CRB1: variants seen among roughly 807,000 people sequenced by gnomAD.
The protein encoded by CRB1 is protein crumbs homolog 1.
CRB1 carries 83 observed loss-of-function variants against 120.0 expected under a neutral mutation model. The observed-to-expected ratio is 0.69, with a 90% CI of 0.58 to 0.83. The LOEUF (loss-of-function observed/expected upper bound fraction) is 0.83, where lower values mean the gene tolerates loss of function less well. Ranked by LOEUF, CRB1 falls within the 40% of genes least tolerant of loss-of-function variation. CRB1 has a pLI of 0.00. For synonymous variants in CRB1, 625 were observed against 612.5 expected (o/e 1.02, Z -0.30); for missense variants, 1,699 against 1,687.6 (o/e 1.01, Z -0.12).
intron 5 of CRB1, among the ~76,000 whole-genome samples, chr1:197,407,632 T>A (rs555413843): frequency 1.3e-5 from 2 of 152,296 alleles, no homozygotes; most frequent in East Asian, 3.9e-4. Flanking sequence ...TCATAAAAAA[T>A]GCAGCTATCT....
At chr1:197,453,539 T>TATATA (rs1553266395) in intron 11 of CRB1, among the ~76,000 whole-genome samples, 1 of 58,512 alleles carries the variant, frequency 1.7e-5, no homozygotes, top group African/African-American at 4.1e-5. Flanking sequence ...TATATATATA[T>TATATA]AGAGAGAGAG....
intron 1 of CRB1, among the ~76,000 whole-genome samples, chr1:197,303,533 A>C (rs540924809): frequency 6.6e-6 from 1 of 152,008 alleles, no homozygotes; most frequent in East Asian, 1.9e-4. Flanking sequence ...ACATTGTTTA[A>C]TATTATCTAC....
At chr1:197,442,140 T>A in intron 10 of CRB1, 26 bp from the exon 11 acceptor site, 1 of 1,614,044 alleles carries the variant, frequency 6.2e-7, no homozygotes, top group Non-Finnish European at 8.5e-7. Context: ...GGGACCTGGG[T>A]TTCTGCTGTT....
intron 11 of CRB1, among the ~76,000 whole-genome samples, chr1:197,463,769 A>G (rs1222409625): frequency 1.3e-5 from 2 of 152,194 alleles, no homozygotes; most frequent in South Asian, 4.1e-4. Flanking sequence ...TACTTTTTCC[A>G]TATCCCTATG....
chr1:197,426,983 T>TTGCTTCAGAA (rs1199707071), intron 6 of CRB1, among the ~76,000 whole-genome samples: 2 of 152,194 alleles, frequency 1.3e-5, no homozygotes, highest in African/African-American at 4.8e-5. Flanking sequence ...AATGACATGT[T>TTGCTTCAGAA]TGCTTCAGCA....
In CRB1 at chr1:197,454,055, G is replaced by C. The variant is rs553794172; in HGVS notation, c.4005+11763G>C. Among the ~76,000 whole-genome samples, 3 of 149,806 alleles carry C rather than the reference G, an allele frequency of 2.0e-5. No homozygotes were observed. The East Asian group carries it at 5.9e-4, about 29-fold the overall frequency. On this transcript the variant is annotated intron_variant, in intron 11 of 11. Coordinates refer to ENST00000367400, the MANE Select transcript of CRB1 (RefSeq NM_201253.3). ...TGCCGAGGCTGGTCTCAAGCTCCCA[G>C]GCTCAAGCAATCCTCCTGCCCTGGC...
intron 11 of CRB1, among the ~76,000 whole-genome samples, chr1:197,449,203 T>C (rs1214482523): frequency 6.6e-6 from 1 of 152,198 alleles, no homozygotes; most frequent in Admixed American, 6.5e-5. Flanking sequence ...TAGGTCATTT[T>C]GTGATTGGTC....
intron 1 of CRB1, among the ~76,000 whole-genome samples, chr1:197,322,479 A>AATG (rs1172629496): frequency 1.3e-5 from 2 of 151,138 alleles, no homozygotes; most frequent in Admixed American, 1.3e-4. Flanking sequence ...TAATAATAAT[A>AATG]ATAATAATAA....
At chr1:197,431,879 AC>A (rs1664886015) in intron 8 of CRB1, among the ~76,000 whole-genome samples, 1 of 152,192 alleles carries the variant, frequency 6.6e-6, no homozygotes. Context: ...CCCAGAATTC[AC>A]TTTTACTACT....
intron 5 of CRB1, among the ~76,000 whole-genome samples, chr1:197,361,655 G>A (rs960463305): frequency 1.3e-5 from 2 of 151,680 alleles, no homozygotes; most frequent in African/African-American, 4.8e-5. Context: ...CTCTTTTAAT[G>A]GCTACAGAAT....
chr1:197,266,709 A>G (rs989397127), upstream of CRB1, among the ~76,000 whole-genome samples: 19 of 152,082 alleles, frequency 1.2e-4, no homozygotes, highest in Non-Finnish European at 2.8e-4. Context: ...TCTCTCAACC[A>G]CTTATTTTCT....
intron 1 of CRB1, among the ~76,000 whole-genome samples, chr1:197,314,581 A>G (rs937842873): frequency 2.0e-5 from 3 of 152,196 alleles, no homozygotes; most frequent in Non-Finnish European, 2.9e-5. Context: ...GGGGTTCCTG[A>G]TTATGTTAAC....
chr1:197,387,750 A>G (rs1465623488), intron 5 of CRB1, among the ~76,000 whole-genome samples: 1 of 151,978 alleles, frequency 6.6e-6, no homozygotes, highest in Non-Finnish European at 1.5e-5. Context: ...GTTATTTTTT[A>G]AACTGTTTTT....
At chr1:197,301,169 CTT>C (rs879651973) in intron 1 of CRB1, among the ~76,000 whole-genome samples, 13 of 143,602 alleles carry the variant, frequency 9.1e-5, no homozygotes, top group Non-Finnish European at 1.2e-4. Flanking sequence ...GCTTTCAAGT[CTT>C]TTTTTTTTTT....
Position 197,329,313 on chromosome 1 carries a change from G to T in CRB1, c.652+310G>T, listed in dbSNP as rs10449274. On this transcript the variant is annotated intron_variant, in intron 2 of 11. Coordinates refer to ENST00000367400, the MANE Select transcript of CRB1 (RefSeq NM_201253.3). The stretch of plus-strand genomic sequence containing the variant: ...AGTTCAGGTTTCCTCATCAGTGCAT[G>T]TTCCTTTCATTCCAGTTCAAGCCTG... Among the ~76,000 whole-genome samples the T allele has an allele frequency of 5.7e-3, 861 of 152,302 alleles. 9 individuals carry two copies. Among genetic ancestry groups the T allele is most frequent in the African/African-American group, 0.019 (781 of 41,566 alleles).
chr1:197,292,750 T>C (rs1373091696), intron 1 of CRB1, among the ~76,000 whole-genome samples: 1 of 152,124 alleles, frequency 6.6e-6, no homozygotes, highest in Non-Finnish European at 1.5e-5. Context: ...ACAAGGCTGG[T>C]TCAGCATACA....
intron 3 of CRB1, among the ~76,000 whole-genome samples, chr1:197,344,762 G>T (rs1472506691): frequency 6.6e-6 from 1 of 152,126 alleles, no homozygotes; most frequent in Non-Finnish European, 1.5e-5. Context: ...GTTGTAGATA[G>T]GAAAGGTGCA....
In CRB1 at chr1:197,435,296, T is replaced by A. The variant is rs779453891; in HGVS notation, c.3433T>A (p.Ser1145Thr). The A allele has an allele frequency of 6.2e-7, 1 of 1,613,874 alleles. No homozygotes were observed. Among genetic ancestry groups the A allele is most frequent in the Non-Finnish European group, 8.5e-7 (1 of 1,179,850 alleles). Reference sequence around the variant, plus strand: ...CTGTTTGCAGTTAAATGTCTGCAACTCCAACCCCTGTTTGCATGGAGGAAA... The same window carrying A: ...CTGTTTGCAGTTAAATGTCTGCAACACCAACCCCTGTTTGCATGGAGGAAA... ...TGCLQLNVCN[S>T]NPCLHGGNCE... Residue 1145 changes from serine to threonine, a missense_variant, in exon 9 of 12, where the codon TCC becomes ACC. Transcript: ENST00000367400.
chr1:197,331,502 G>A (rs990942021), intron 2 of CRB1, among the ~76,000 whole-genome samples: 3 of 152,014 alleles, frequency 2.0e-5, no homozygotes, highest in Non-Finnish European at 2.9e-5. Context: ...GCCATACTGA[G>A]GTGTCTCTTT....
Sources: gnomAD v4.1 joint callset for allele counts (sites outside exome capture counted in the v4.1 genomes callset) on GRCh38, gnomAD v4.1.1 for gene constraint, MANE v1.5 for transcripts, NCBI Gene and HGNC (gene_info 2026-07-23, HGNC 2026-07-21) for gene names.